GMDS: variants seen among roughly 807,000 people sequenced by gnomAD.
GMDS encodes the protein GDP-mannose 4,6 dehydratase.
Under a neutral mutation model 49.9 loss-of-function variants are expected in GMDS, and 20 were observed. The ratio of observed to expected loss-of-function variants is 0.40; its 90% CI spans 0.28 to 0.58. GMDS has a LOEUF of 0.58. Ranked by LOEUF, GMDS falls within the 20% of genes least tolerant of loss-of-function variation. GMDS has a pLI of 0.42. For missense variants in GMDS, 362 were observed against 481.4 expected (o/e 0.75, Z 2.32); for synonymous variants, 177 against 178.6 (o/e 0.99, Z 0.07).
At chr6:1,938,144 T>C (rs1256177645) in intron 6 of GMDS, among the ~76,000 whole-genome samples, 2 of 152,232 alleles carry the variant, frequency 1.3e-5, no homozygotes, top group Non-Finnish European at 2.9e-5. Flanking sequence ...TCTCCATTTG[T>C]AGAAGATTAA....
rs563464992 is a variant in GMDS, at chr6:2,068,775, A to G, written c.345+46996T>C. Among the ~76,000 whole-genome samples the G allele has an allele frequency of 3.9e-3, 597 of 152,324 alleles. 17 individuals are homozygous for G. The highest frequency in any genetic ancestry group is 0.034 in the Admixed American group (516 of 15,300). Reference sequence around the variant, plus strand: ...CTCAAGGAAATAAAAGAGGATACAAACAAATGGAAGAACATTCCATGCTCA... The same window carrying G: ...CTCAAGGAAATAAAAGAGGATACAAGCAAATGGAAGAACATTCCATGCTCA... On this transcript the variant is annotated intron_variant, in intron 4 of 10. Transcript: ENST00000380815.
chr6:1,752,167 T>C (rs1317558151), intron 7 of GMDS, among the ~76,000 whole-genome samples: 1 of 152,098 alleles, frequency 6.6e-6, no homozygotes, highest in Non-Finnish European at 1.5e-5. Context: ...CTAACTAGAA[T>C]AACCAGCTTA....
chr6:1,637,437 G>A (rs774121281), intron 9 of GMDS, among the ~76,000 whole-genome samples: 2 of 152,240 alleles, frequency 1.3e-5, no homozygotes, highest in Admixed American at 6.5e-5. Context: ...ACTCTCCCCC[G>A]TGAAGGCACG....
chr6:1,937,721 T>G (rs1762618440), intron 6 of GMDS, among the ~76,000 whole-genome samples: 1 of 152,256 alleles, frequency 6.6e-6, no homozygotes, highest in Admixed American at 6.5e-5. Context: ...AGGGCCCACC[T>G]TGGTAATCCA....
chr6:1,671,195 C>CT, intron 9 of GMDS, among the ~76,000 whole-genome samples: 1 of 152,206 alleles, frequency 6.6e-6, no homozygotes, highest in East Asian at 1.9e-4. Context: ...TCTCGGCAAC[C>CT]TGTGACCTAC....
chr6:1,883,608 T>G (rs1038037573), intron 7 of GMDS, among the ~76,000 whole-genome samples: 3 of 152,136 alleles, frequency 2.0e-5, no homozygotes, highest in African/African-American at 7.2e-5. Context: ...AACCCTGTTT[T>G]GCTGAAAAAA....
rs137943726 is a variant in GMDS, at chr6:1,760,046, C to T, written c.772-17460G>A. Reference sequence around the variant, plus strand: ...GAGCACCCAGGCGTGAGACTGTCACCGGGGCGGAGCCAGCTGGAGAGACTG... The same window carrying T: ...GAGCACCCAGGCGTGAGACTGTCACTGGGGCGGAGCCAGCTGGAGAGACTG... On this transcript the variant is annotated intron_variant, in intron 7 of 10. Coordinates refer to ENST00000380815, the MANE Select transcript of GMDS (RefSeq NM_001500.4). Among the ~76,000 whole-genome samples, 89 of 152,242 alleles carry T rather than the reference C, an allele frequency of 5.8e-4. 1 individual carries two copies. The highest frequency in any genetic ancestry group is 1.8e-3 in the African/African-American group (75 of 41,526).
At chr6:1,897,491 G>T (rs1485356125) in intron 7 of GMDS, among the ~76,000 whole-genome samples, 1 of 152,168 alleles carries the variant, frequency 6.6e-6, no homozygotes, top group Non-Finnish European at 1.5e-5. Context: ...TGAGAGCATG[G>T]TTAAATTGCG....
At chr6:2,142,868 T>A (rs1273436407) in intron 1 of GMDS, among the ~76,000 whole-genome samples, 1 of 152,072 alleles carries the variant, frequency 6.6e-6, no homozygotes, top group Non-Finnish European at 1.5e-5. Flanking sequence ...TTCTCTGGGG[T>A]CCATCATCCA....
At chr6:1,824,641 T>C (rs934959287) in intron 7 of GMDS, among the ~76,000 whole-genome samples, 2 of 152,108 alleles carry the variant, frequency 1.3e-5, no homozygotes, top group East Asian at 3.9e-4. Flanking sequence ...CCAGCTCCAC[T>C]AACATGAACT....
chr6:2,161,121 C>A (rs1377036003), intron 1 of GMDS, among the ~76,000 whole-genome samples: 3 of 151,856 alleles, frequency 2.0e-5, no homozygotes, highest in Non-Finnish European at 4.4e-5. Context: ...AAGCAATTCT[C>A]ATGCCTCAGC....
intron 9 of GMDS, among the ~76,000 whole-genome samples, chr6:1,681,650 C>T (rs544153235): frequency 1.1e-4 from 17 of 152,328 alleles, no homozygotes; most frequent in African/African-American, 3.8e-4. Context: ...CAGCAACCCC[C>T]ACCATAAAGT....
At chr6:2,038,742 C>A (rs1242684113) in intron 4 of GMDS, among the ~76,000 whole-genome samples, 1 of 152,082 alleles carries the variant, frequency 6.6e-6, no homozygotes, top group Non-Finnish European at 1.5e-5. Flanking sequence ...CTTTTATTAA[C>A]AAAATGAAAT....
intron 7 of GMDS, among the ~76,000 whole-genome samples, chr6:1,878,711 G>A (rs982181102): frequency 6.6e-6 from 1 of 152,068 alleles, no homozygotes; most frequent in Non-Finnish European, 1.5e-5. Flanking sequence ...TAAATATGAA[G>A]TATAAATGAA....
chr6:2,013,925 C>CATATATATATATATATATATATATATAT (rs10523956), intron 4 of GMDS, among the ~76,000 whole-genome samples: 37 of 125,110 alleles, frequency 3.0e-4, no homozygotes, highest in Middle Eastern at 3.8e-3. Flanking sequence ...GGATAAAAAC[C>CATATATATATATATATATATATATATAT]ATATATATAT....
At chr6:1,773,524 C>A (rs1768669868) in intron 7 of GMDS, among the ~76,000 whole-genome samples, 1 of 152,210 alleles carries the variant, frequency 6.6e-6, no homozygotes, top group African/African-American at 2.4e-5. Context: ...TGCCCTTGGG[C>A]AGGTGCGTGC....
chr6:2,065,947 G>A (rs560865411), intron 4 of GMDS, among the ~76,000 whole-genome samples: 1 of 152,096 alleles, frequency 6.6e-6, no homozygotes, highest in African/African-American at 2.4e-5. Context: ...CTCAAGAAGA[G>A]CAACTCCAAG....
At chr6:1,961,784 C>T (rs898175516) in intron 4 of GMDS, among the ~76,000 whole-genome samples, 6 of 152,210 alleles carry the variant, frequency 3.9e-5, no homozygotes, top group Non-Finnish European at 8.8e-5. Flanking sequence ...CGTGAATCCT[C>T]AACTGGAAAA....
chr6:1,979,918 T>C (rs1765124974), intron 4 of GMDS, among the ~76,000 whole-genome samples: 1 of 152,206 alleles, frequency 6.6e-6, no homozygotes. Flanking sequence ...AAGAATTTCC[T>C]ATCTAGAATT....
Sources: allele counts gnomAD v4.1 joint callset (sites outside exome capture counted in the v4.1 genomes callset), GRCh38; gene constraint gnomAD v4.1.1; transcripts MANE v1.5; gene names NCBI Gene and HGNC (gene_info 2026-07-23, HGNC 2026-07-21).